The following NAV2 variants were observed in gnomAD, a reference collection of about 807,000 sequenced individuals.
The protein encoded by NAV2 is helicase, APC down-regulated 1.
Under a neutral mutation model 223.2 loss-of-function variants are expected in NAV2, and 54 were observed. The ratio of observed to expected loss-of-function variants is 0.24; its 90% CI spans 0.19 to 0.30. NAV2 has a LOEUF of 0.30. Among genes scored for constraint, NAV2 ranks in the 10% least tolerant of loss-of-function variants. The pLI is 1.00. For synonymous variants in NAV2, 1,279 were observed against 1,239.3 expected, an observed-to-expected ratio of 1.03 and a Z score of -0.67; for missense variants, 2,806 against 3,147.5, an observed-to-expected ratio of 0.89 and a Z score of 2.60.
At chr11:19,876,423 A>C (rs1367999057) in intron 4 of NAV2, among the ~76,000 whole-genome samples, 1 of 152,226 alleles carries the variant, frequency 6.6e-6, no homozygotes, top group Non-Finnish European at 1.5e-5. Context: ...ACTGAGGCTC[A>C]GAGAGATTGA....
chr11:19,741,687 G>A (rs7935109), intron 1 of NAV2, among the ~76,000 whole-genome samples: 274 of 20,902 alleles, frequency 0.013, 4 homozygotes, highest in African/African-American at 0.022. Flanking sequence ...GTGTGTGTGT[G>A]TATATATATA....
chr11:19,421,764 C>CTGTTTT (rs1850621259), intron 1 of NAV2, among the ~76,000 whole-genome samples: 1 of 84,542 alleles, frequency 1.2e-5, no homozygotes, highest in Non-Finnish European at 2.0e-5. Context: ...AAGAGAGAGG[C>CTGTTTT]TTTTTTTTTT....
At chr11:19,776,481 C>T (rs1263449232) in intron 1 of NAV2, among the ~76,000 whole-genome samples, 1 of 151,916 alleles carries the variant, frequency 6.6e-6, no homozygotes, top group Non-Finnish European at 1.5e-5. Flanking sequence ...TCTCCAGCAG[C>T]GGCCAGGCAA....
Position 20,103,237 on chromosome 11 carries a change from C to T in NAV2, c.6418-18C>T. On this transcript the variant is annotated intron_variant, in intron 32 of 37. Coordinates refer to ENST00000349880, the MANE Select transcript of NAV2 (RefSeq NM_145117.5). ...CATTCACCCACTTGTTCTCCTTCGG[C>T]CTTCCTGGCCACCATAGGAATTGCG... The T allele has an allele frequency of 1.9e-6, 3 of 1,603,862 alleles. No homozygotes were observed. The highest frequency in any genetic ancestry group is 1.3e-5 in the African/African-American group (1 of 74,954).
At chr11:19,834,984 A>G (rs2060152962) in intron 2 of NAV2, among the ~76,000 whole-genome samples, 1 of 152,244 alleles carries the variant, frequency 6.6e-6, no homozygotes, top group Non-Finnish European at 1.5e-5. Flanking sequence ...TGGAAGGATG[A>G]TGAGGTCTCA....
At chr11:19,922,245 TG>T (rs1335540820) in intron 6 of NAV2, among the ~76,000 whole-genome samples, 1 of 151,912 alleles carries the variant, frequency 6.6e-6, no homozygotes, top group African/African-American at 2.4e-5. Flanking sequence ...CAGGTGTTGC[TG>T]TAACTTTTTT....
rs1356870343 is a variant in NAV2 at position 20,076,990 on chromosome 11, A to G, written c.4984-562A>G. 2.0e-5 allele frequency among the ~76,000 whole-genome samples: 3 copies of G among 152,170 alleles called. No homozygotes were observed. The East Asian group carries it at 5.8e-4, about 29-fold the overall frequency. On this transcript the variant is annotated intron_variant, in intron 22 of 37. Transcript: ENST00000349880. ...GCCTTTCAGTGGCTTTTTATTAACC[A>G]GGATTATAACAAGCAAACTACGCCA...
At chr11:19,699,464 T>A (rs1194778791) in intron 1 of NAV2, among the ~76,000 whole-genome samples, 1 of 152,030 alleles carries the variant, frequency 6.6e-6, no homozygotes, top group Non-Finnish European at 1.5e-5. Flanking sequence ...ACTTATGGAT[T>A]TTGAAGAGTC....
At chr11:19,974,428 T>G (rs879856905) in intron 10 of NAV2, among the ~76,000 whole-genome samples, 3 of 152,190 alleles carry the variant, frequency 2.0e-5, no homozygotes, top group African/African-American at 2.4e-5. Flanking sequence ...TAATGTGACT[T>G]TAGTTAATAA....
rs573947831 is a variant in NAV2, at chr11:19,915,609, T to C, written c.932-17567T>C. Among the ~76,000 whole-genome samples the C allele has an allele frequency of 1.9e-4, 29 of 152,346 alleles. No individual in the cohort carries two copies. In the South Asian group the frequency reaches 6.0e-3, roughly 32 times the overall value. On this transcript the variant is annotated intron_variant, in intron 6 of 37. Transcript: ENST00000349880. ...TTCTTCCCACCAAGTCTCTAACTCA[T>C]CTTTTATGTTTTAGGTTAGATTTTG...
intron 3 of NAV2, among the ~76,000 whole-genome samples, chr11:19,844,138 G>T (rs1590848389): frequency 6.6e-6 from 1 of 152,154 alleles, no homozygotes; most frequent in Non-Finnish European, 1.5e-5. Flanking sequence ...TTTGACTTTT[G>T]GAAAAGCTGG....
chr11:19,449,689 A>T (rs1851720540), intron 1 of NAV2, among the ~76,000 whole-genome samples: 1 of 152,002 alleles, frequency 6.6e-6, no homozygotes, highest in Non-Finnish European at 1.5e-5. Flanking sequence ...GTCTGTTTCC[A>T]TGTCTGCCTC....
At chr11:19,639,842 G>C (rs1281257524) in intron 1 of NAV2, among the ~76,000 whole-genome samples, 1 of 152,214 alleles carries the variant, frequency 6.6e-6, no homozygotes, top group South Asian at 2.1e-4. Context: ...GTGGGAAGTG[G>C]AGAAAATGTG....
At chr11:19,666,160 C>T (rs897971900) in intron 1 of NAV2, among the ~76,000 whole-genome samples, 4 of 152,166 alleles carry the variant, frequency 2.6e-5, no homozygotes, top group African/African-American at 4.8e-5. Flanking sequence ...AATTTGAATC[C>T]GTTCTCTCTG....
At chr11:20,002,936 C>T (rs2052699336) in intron 11 of NAV2, among the ~76,000 whole-genome samples, 1 of 152,212 alleles carries the variant, frequency 6.6e-6, no homozygotes, top group African/African-American at 2.4e-5. Flanking sequence ...CTGGCCACCT[C>T]CTAATGATTA....
chr11:20,014,270 G>A (rs192979714), intron 11 of NAV2, among the ~76,000 whole-genome samples: 2 of 152,234 alleles, frequency 1.3e-5, no homozygotes, highest in African/African-American at 4.8e-5. Context: ...CTTGGAGCTG[G>A]ACTCCCATTG....
chr11:19,405,457 T>C (rs1479699979), intron 1 of NAV2, among the ~76,000 whole-genome samples: 1 of 152,234 alleles, frequency 6.6e-6, no homozygotes, highest in Non-Finnish European at 1.5e-5. Flanking sequence ...CACTGAGTTC[T>C]TTCCGCAGTC....
At chr11:19,578,198 G>T (rs1051880051) in intron 1 of NAV2, among the ~76,000 whole-genome samples, 1 of 152,160 alleles carries the variant, frequency 6.6e-6, no homozygotes, top group Non-Finnish European at 1.5e-5. Context: ...TGCCTCCTCC[G>T]GCTCTGCCTG....
chr11:19,918,412 G>T (rs974387089), intron 6 of NAV2, among the ~76,000 whole-genome samples: 3 of 152,200 alleles, frequency 2.0e-5, no homozygotes, highest in Non-Finnish European at 4.4e-5. Flanking sequence ...TGAGAGTTGA[G>T]TCTGCATGCC....
Sources: gnomAD v4.1 joint callset for allele counts (sites outside exome capture counted in the v4.1 genomes callset) on GRCh38, gnomAD v4.1.1 for gene constraint, MANE v1.5 for transcripts, NCBI Gene and HGNC (gene_info 2026-07-23, HGNC 2026-07-21) for gene names.